GARRE1: variants seen among roughly 807,000 people sequenced by gnomAD.
The protein encoded by GARRE1 is granule associated Rac and RHOG effector protein 1.
A neutral mutation model predicts 103.2 loss-of-function variants in GARRE1; 49 were observed. The observed-to-expected ratio is 0.47, with a 90% CI of 0.38 to 0.60. The LOEUF is 0.60. GARRE1 is among the 20% of genes least tolerant of loss of function. GARRE1 has a pLI of 0.00. For missense variants in GARRE1, 1,199 were observed against 1,370.5 expected (o/e 0.87, Z 1.98); for synonymous variants, 505 against 532.8 (o/e 0.95, Z 0.72).
chr19:34,280,240 C>T (rs578254048), intron 1 of GARRE1, among the ~76,000 whole-genome samples: 42 of 152,304 alleles, frequency 2.8e-4, no homozygotes, highest in African/African-American at 1.0e-3. Flanking sequence ...CACCTCCTCC[C>T]AGGCTCCACC....
rs553006274 is a variant in GARRE1, at chr19:34,260,339, CTT to C, written c.-796+5728_-796+5729del. On this transcript the variant is annotated intron_variant, in intron 1 of 13. Transcript: ENST00000299505. The stretch of plus-strand genomic sequence containing the variant: ...AGACTACAATATAGTGTAAATATAA[CTT>C]TTATATGTACAGGAAAATAAAAAAC... Among the ~76,000 whole-genome samples, 527 of 152,252 alleles carry C rather than the reference CTT, an allele frequency of 3.5e-3. 2 individuals carry two copies. The highest frequency in any genetic ancestry group is 6.5e-3 in the African/African-American group (269 of 41,552).
Position 34,341,957 on chromosome 19 carries a change from G to C in GARRE1, c.2023G>C (p.Ala675Pro). Residue 675 changes from alanine to proline, a missense_variant, in exon 10 of 14, where the codon GCC becomes CCC. Transcript: ENST00000299505. ...GTTGGTGACAAGGCATAATTCTGCT[G>C]CCACAGCCATGGTGACTGAGCAGAA... ...SPLVTRHNSA[A>P]TAMVTEQKAG... is the part of the protein sequence containing the mutation. 1 of 1,614,168 alleles carries C rather than the reference G, an allele frequency of 6.2e-7. No homozygotes were observed. The highest frequency in any genetic ancestry group is 8.5e-7 in the Non-Finnish European group (1 of 1,180,038).
intron 1 of GARRE1, among the ~76,000 whole-genome samples, chr19:34,259,695 G>A (rs2073703064): frequency 6.6e-6 from 1 of 151,990 alleles, no homozygotes; most frequent in Non-Finnish European, 1.5e-5. Flanking sequence ...ATTTCATTCA[G>A]TTTAATGAGG....
intron 1 of GARRE1, among the ~76,000 whole-genome samples, chr19:34,280,848 C>T (rs1250745403): frequency 6.6e-6 from 1 of 151,736 alleles, no homozygotes; most frequent in Admixed American, 6.6e-5. Flanking sequence ...CCAGAATCAG[C>T]CATTTCTTTA....
chr19:34,298,244 C>T (rs1307475974), intron 1 of GARRE1, among the ~76,000 whole-genome samples: 3 of 151,562 alleles, frequency 2.0e-5, no homozygotes, highest in Admixed American at 6.6e-5. Context: ...GGCGAAACCT[C>T]GTCTCTACAA....
chr19:34,305,895 A>T (rs753850781), intron 2 of GARRE1, among the ~76,000 whole-genome samples: 29 of 152,234 alleles, frequency 1.9e-4, no homozygotes, highest in Non-Finnish European at 4.1e-4. Context: ...ACGAGTCTGG[A>T]AACTAAGTAT....
Position 34,353,025 on chromosome 19 carries a change from C to T in GARRE1, c.*70C>T. ...AGCTGTGGGGATGAGTGTCCCCACC[C>T]CAGGGCCACTTAGCTGACACCAGCC... On this transcript the variant is annotated 3_prime_UTR_variant, in exon 14 of 14. Coordinates refer to ENST00000299505, the MANE Select transcript of GARRE1 (RefSeq NM_014686.5). 2.2e-6 allele frequency: 3 copies of T among 1,358,094 alleles called. No individual in the cohort carries two copies. Among genetic ancestry groups the T allele is most frequent in the South Asian group, 2.9e-5 (2 of 69,106 alleles). The allele number at this position is 1,358,094 out of a possible 1,614,324, so 84.1% of individuals were successfully genotyped here. A position where few individuals can be genotyped will look rare whatever the true frequency, so the allele number is the denominator to read the frequency against.
chr19:34,313,798 T>C (rs2074047650), intron 2 of GARRE1, among the ~76,000 whole-genome samples: 1 of 152,126 alleles, frequency 6.6e-6, no homozygotes, highest in Non-Finnish European at 1.5e-5. Context: ...AAAACTTGCA[T>C]TTTGTTTTTA....
chr19:34,271,245 CT>C (rs1199086211), intron 1 of GARRE1, among the ~76,000 whole-genome samples: 351 of 105,652 alleles, frequency 3.3e-3, no homozygotes, highest in Middle Eastern at 0.011. Flanking sequence ...TGTGCACTTT[CT>C]TTTTTTTTTT....
intron 2 of GARRE1, among the ~76,000 whole-genome samples, chr19:34,301,587 A>C (rs12977034): frequency 6.6e-6 from 1 of 151,932 alleles, no homozygotes; most frequent in Non-Finnish European, 1.5e-5. Context: ...TTGTCTTTCA[A>C]ATTTTCAAGT....
At chr19:34,327,154 C>T (rs2074115393) in intron 3 of GARRE1, among the ~76,000 whole-genome samples, 1 of 148,610 alleles carries the variant, frequency 6.7e-6, no homozygotes, top group Non-Finnish European at 1.5e-5. Flanking sequence ...GACCTTGTCT[C>T]AAAATAAAAT....
intron 3 of GARRE1, among the ~76,000 whole-genome samples, chr19:34,322,112 TA>T (rs1184282500): frequency 1.3e-5 from 2 of 152,190 alleles, no homozygotes; most frequent in Non-Finnish European, 2.9e-5. Flanking sequence ...TAAGCTTAAA[TA>T]AAAGGCAATC....
rs1182759074 is a variant in GARRE1, at chr19:34,352,855, C to G, written c.3113C>G (p.Pro1038Arg). 2 of 1,541,292 alleles carry G rather than the reference C, an allele frequency of 1.3e-6. No individual in the cohort carries two copies. The highest frequency in any genetic ancestry group is 2.7e-5 in the African/African-American group (2 of 74,288). The change falls in exon 14 of 14, where the codon CCC becomes CGC. Residue 1038 changes from proline (P) to arginine (R), a missense_variant. Pro to Arg is a moderately radical substitution (Grantham distance 103). Transcript: ENST00000299505. ...AAAFSYVQTPPQPPPPPAHKA... is the reference protein window; with the variant it reads ...AAAFSYVQTPRQPPPPPAHKA... ...GCCTTCTCCTATGTGCAGACCCCAC[C>G]CCAGCCCCCACCCCCACCAGCACAC...
intron 1 of GARRE1, among the ~76,000 whole-genome samples, chr19:34,287,376 C>T (rs1011883186): frequency 1.3e-5 from 2 of 152,104 alleles, no homozygotes; most frequent in Admixed American, 6.6e-5. Context: ...AGACTGGACT[C>T]GAAGTCCTGG....
intron 1 of GARRE1, among the ~76,000 whole-genome samples, chr19:34,292,379 A>G (rs1405805061): frequency 1.3e-5 from 2 of 152,180 alleles, no homozygotes; most frequent in South Asian, 4.1e-4. Context: ...TTGTCAGTTG[A>G]TAAGCAATTG....
rs761581656 is a variant in GARRE1 at position 34,342,190 on chromosome 19, A to C, written c.2256A>C (p.Ala752=). 2 of 1,614,134 alleles carry C rather than the reference A, an allele frequency of 1.2e-6. No individual in the cohort carries two copies. Among genetic ancestry groups the C allele is most frequent in the Non-Finnish European group, 1.7e-6 (2 of 1,180,018 alleles). The change falls in exon 10 of 14, where the codon GCA becomes GCC. Residue 752 remains alanine, a synonymous_variant. Transcript: ENST00000299505. ...AGCAGCCCCCGCCCCAGCCTCGGGC[A>C]CCTGGGAAATGGGTACATGGCTCAT... is the stretch of plus-strand genomic sequence containing the variant. The part of the protein sequence containing the change: ...GPQQPPPQPR[A]PGKWVHGSSQ...
intron 1 of GARRE1, among the ~76,000 whole-genome samples, chr19:34,293,750 CTTTTTTTTT>C (rs71165643): frequency 0.13 from 6,257 of 46,774 alleles, 277 homozygotes; most frequent in African/African-American, 0.3. Flanking sequence ...ACACATATTT[CTTTTTTTTT>C]TTTTTTTTTT....
At chr19:34,289,194 G>A (rs2073903684) in intron 1 of GARRE1, among the ~76,000 whole-genome samples, 1 of 151,994 alleles carries the variant, frequency 6.6e-6, no homozygotes, top group South Asian at 2.1e-4. Context: ...CAGCACTTTG[G>A]GAGGCTGAGG....
chr19:34,271,424 A>G (rs2073787102), intron 1 of GARRE1, among the ~76,000 whole-genome samples: 1 of 151,758 alleles, frequency 6.6e-6, no homozygotes, highest in East Asian at 1.9e-4. Flanking sequence ...AACTTTTTGT[A>G]TTTTTAGTAG....
Sources: allele counts gnomAD v4.1 joint callset (sites outside exome capture counted in the v4.1 genomes callset), GRCh38; gene constraint gnomAD v4.1.1; transcripts MANE v1.5; gene names NCBI Gene and HGNC (gene_info 2026-07-23, HGNC 2026-07-21).